Variants in CTNNBIP1 observed in about 807,000 individuals in gnomAD.
The protein encoded by CTNNBIP1 is catenin beta interacting protein 1, also known as beta-catenin-interacting protein 1.
Under a neutral mutation model 11.8 loss-of-function variants are expected in CTNNBIP1, and 7 were observed. That is an observed-to-expected ratio of 0.60 (90% CI 0.34 to 1.12). CTNNBIP1 has a LOEUF of 1.12. CTNNBIP1 is among the 50% of genes most tolerant of loss of function. The pLI is 0.03. For synonymous variants in CTNNBIP1, 58 were observed against 43.9 expected (o/e 1.32, Z -1.26); for missense variants, 101 against 113.4 (o/e 0.89, Z 0.50).
chr1:9,883,118 G>A lies in CTNNBIP1; in HGVS notation c.-110+587C>T, dbSNP rs1000090783. 1.3e-5 allele frequency among the ~76,000 whole-genome samples: 2 copies of A among 152,090 alleles called. No homozygotes were observed. Among genetic ancestry groups the A allele is most frequent in the African/African-American group, 4.8e-5 (2 of 41,408 alleles). On this transcript the variant is annotated intron_variant, in intron 2 of 5. Coordinates refer to ENST00000377263, the MANE Select transcript of CTNNBIP1 (RefSeq NM_020248.3). The surrounding 1 kb of genome is among the most constrained non-coding windows in gnomAD (Gnocchi z 5.6). ...GGTGCCTGGGTGGCAGCAGCGGGACGGCGCAGGAGGGTAGGTCAGGGACCG... is the reference window on the plus strand; with the variant it reads ...GGTGCCTGGGTGGCAGCAGCGGGACAGCGCAGGAGGGTAGGTCAGGGACCG...
At chr1:9,892,090 G>A (rs930686948) in intron 1 of CTNNBIP1, among the ~76,000 whole-genome samples, 4 of 151,716 alleles carry the variant, frequency 2.6e-5, no homozygotes, top group African/African-American at 9.7e-5. Flanking sequence ...ATAGACATGA[G>A]CCACCGAGCC....
At chr1:9,886,445 A>C (rs895468660) in intron 1 of CTNNBIP1, among the ~76,000 whole-genome samples, 1 of 152,256 alleles carries the variant, frequency 6.6e-6, no homozygotes, top group African/African-American at 2.4e-5. Context: ...CAAAATTGCC[A>C]GGTCGAGAGC....
Position 9,872,033 on chromosome 1 carries a change from G to A in CTNNBIP1, c.32C>T (p.Pro11Leu), listed in dbSNP as rs777994158. The A allele has an allele frequency of 1.6e-5, 26 of 1,614,058 alleles. No homozygotes were observed. In the East Asian group the frequency reaches 1.8e-4, roughly 11 times the overall value. The change falls in exon 4 of 6, where the codon CCG (proline) becomes CTG (leucine). Residue 11 changes from proline (P) to leucine (L), a missense_variant. Coordinates refer to ENST00000377263, the MANE Select transcript of CTNNBIP1 (RefSeq NM_020248.3). This position sits in a 1 kb window ranked among gnomAD's most constrained non-coding sequence, Gnocchi z 4.0. ...CTTCTGCTGAATGTACATCTCCTCC[G>A]GACTCTTCCCGGGAGCTCCCTCGCG... is the stretch of plus-strand genomic sequence containing the variant. MNREGAPGKS[P>L]EEMYIQQKVR...
In CTNNBIP1 at chr1:9,871,833, G is replaced by A; in HGVS notation, c.96+136C>T. On this transcript the variant is annotated intron_variant, in intron 4 of 5. Coordinates refer to ENST00000377263, the MANE Select transcript of CTNNBIP1 (RefSeq NM_020248.3). The surrounding 1 kb of genome is among the most constrained non-coding windows in gnomAD (Gnocchi z 5.2). ...GAAGCAGCCCTAGAGCCAAGCCACA[G>A]GCCCAGCGGCCCCTCCTCAGCCCGT... is the stretch of plus-strand genomic sequence containing the variant. The A allele has an allele frequency of 1.4e-6, 1 of 706,642 alleles. No individual in the cohort carries two copies. The highest frequency in any genetic ancestry group is 1.7e-5 in the South Asian group (1 of 59,308). 43.8% of individuals were successfully genotyped at this position (706,642 alleles called of 1,614,324 possible).
At chr1:9,900,644 C>T (rs1639504584) in intron 1 of CTNNBIP1, among the ~76,000 whole-genome samples, 1 of 152,294 alleles carries the variant, frequency 6.6e-6, no homozygotes, top group East Asian at 1.9e-4. Flanking sequence ...AGGAAGGAGC[C>T]AGGTCTCTGC....
rs1639708514 is a variant in CTNNBIP1, at chr1:9,910,205, T to C, written c.-254A>G. ...CGAGCAGCCGCTGCGGCGGCGGCAG[T>C]AGCAGCAGCAGGAGCGGCCGCCTCA... On this transcript the variant is annotated 5_prime_UTR_variant, in exon 1 of 6. Coordinates refer to ENST00000377263, the MANE Select transcript of CTNNBIP1 (RefSeq NM_020248.3). The C allele has an allele frequency of 2.0e-5, 3 of 147,134 alleles. No individual in the cohort carries two copies. Among genetic ancestry groups the C allele is most frequent in the Non-Finnish European group, 4.5e-5 (3 of 66,048 alleles). The allele number at this position is 147,134 out of a possible 1,614,324, so 9.1% of individuals were successfully genotyped here.
intron 5 of CTNNBIP1, among the ~76,000 whole-genome samples, chr1:9,863,897 G>C (rs1204629299): frequency 8.5e-5 from 13 of 152,214 alleles, no homozygotes; most frequent in Admixed American, 8.5e-4. Context: ...GGTGAGCAGA[G>C]AGCTGCCTCC....
intron 5 of CTNNBIP1, among the ~76,000 whole-genome samples, chr1:9,859,943 G>A (rs1638587309): frequency 6.6e-6 from 1 of 152,178 alleles, no homozygotes; most frequent in African/African-American, 2.4e-5. Flanking sequence ...CAACATGGTG[G>A]GGTCTGCTTT....
intron 1 of CTNNBIP1, among the ~76,000 whole-genome samples, chr1:9,907,630 G>A (rs1221180871): frequency 1.3e-5 from 2 of 152,158 alleles, no homozygotes; most frequent in African/African-American, 2.4e-5. Flanking sequence ...AGTGTATTAT[G>A]CCCTCCTCCA....
At chr1:9,854,837 T>C (rs1638469381) in intron 5 of CTNNBIP1, among the ~76,000 whole-genome samples, 1 of 152,108 alleles carries the variant, frequency 6.6e-6, no homozygotes, top group South Asian at 2.1e-4. Context: ...CCACCACATC[T>C]GGCTAATTTT....
chr1:9,876,886 ACAC>A (rs1323771102), intron 3 of CTNNBIP1, among the ~76,000 whole-genome samples: 1 of 145,482 alleles, frequency 6.9e-6, no homozygotes, highest in Non-Finnish European at 1.5e-5. Context: ...ACACACACAC[ACAC>A]AGTTCAGAGC....
chr1:9,890,434 C>CT (rs1639277979), intron 1 of CTNNBIP1, among the ~76,000 whole-genome samples: 2 of 152,224 alleles, frequency 1.3e-5, no homozygotes, highest in African/African-American at 4.8e-5. Flanking sequence ...AAAAGAGGTT[C>CT]TTTTTTCTTC....
At chr1:9,891,377 T>G (rs989690720) in intron 1 of CTNNBIP1, among the ~76,000 whole-genome samples, 1 of 152,158 alleles carries the variant, frequency 6.6e-6, no homozygotes, top group African/African-American at 2.4e-5. Flanking sequence ...CCTCCATAGC[T>G]TTCCCTCATT....
chr1:9,864,504 A>ATATT (rs1553188877), intron 5 of CTNNBIP1, among the ~76,000 whole-genome samples: 2 of 152,036 alleles, frequency 1.3e-5, no homozygotes, highest in Non-Finnish European at 2.9e-5. Context: ...AATTTTTTGT[A>ATATT]TTTTTAGTAG....
rs1053779726 is a variant in CTNNBIP1 at position 9,848,896 on chromosome 1, G to T, written c.*1822C>A. 1 of 152,304 alleles carries T rather than the reference G, an allele frequency of 6.6e-6. No homozygotes were observed. Among genetic ancestry groups the T allele is most frequent in the Non-Finnish European group, 1.5e-5 (1 of 68,102 alleles). The allele number at this position is 152,304 out of a possible 1,614,324, so 9.4% of individuals were successfully genotyped here. ...ACAGCACGAACCACCTACCCACCAT[G>T]GGGCTCTCCAGGGCTCGGTCATTTG... On this transcript the variant is annotated 3_prime_UTR_variant, in exon 6 of 6. Coordinates refer to ENST00000377263, the MANE Select transcript of CTNNBIP1 (RefSeq NM_020248.3). This position sits in a 1 kb window ranked among gnomAD's most constrained non-coding sequence, Gnocchi z 4.3.
At chr1:9,897,365 A>G in intron 1 of CTNNBIP1, among the ~76,000 whole-genome samples, 1 of 152,190 alleles carries the variant, frequency 6.6e-6, no homozygotes, top group East Asian at 1.9e-4. Flanking sequence ...GAGGCAGGAC[A>G]ATGGCATGAG....
At chr1:9,904,286 G>A (rs1639577391) in intron 1 of CTNNBIP1, among the ~76,000 whole-genome samples, 1 of 151,868 alleles carries the variant, frequency 6.6e-6, no homozygotes, top group African/African-American at 2.4e-5. Context: ...ACTAACTTGT[G>A]TTGGTCTCTC....
intron 1 of CTNNBIP1, among the ~76,000 whole-genome samples, chr1:9,895,143 A>G (rs1242763004): frequency 1.3e-5 from 2 of 151,688 alleles, no homozygotes; most frequent in South Asian, 2.1e-4. Flanking sequence ...TCCTGACCTC[A>G]TGATACGCCC....
intron 5 of CTNNBIP1, among the ~76,000 whole-genome samples, chr1:9,870,361 G>C (rs1294037851): frequency 6.6e-6 from 1 of 152,228 alleles, no homozygotes; most frequent in Admixed American, 6.5e-5. Flanking sequence ...AAGCCTTCTA[G>C]AGAAGGAGAA....
Sources: gnomAD v4.1 joint callset for allele counts (sites outside exome capture counted in the v4.1 genomes callset) on GRCh38, gnomAD v4.1.1 for gene constraint, Gnocchi (gnomAD v3.1) non-coding constraint, MANE v1.5 for transcripts, NCBI Gene and HGNC (gene_info 2026-07-23, HGNC 2026-07-21) for gene names.